TRAPPC9: variants seen among roughly 807,000 people sequenced by gnomAD.
The protein encoded by TRAPPC9 is IKK2 binding protein.
A neutral mutation model predicts 124.0 loss-of-function variants in TRAPPC9; 83 were observed. That is an observed-to-expected ratio of 0.67 (90% CI 0.56 to 0.80). TRAPPC9 has a LOEUF of 0.80. TRAPPC9 is among the 30% of genes least tolerant of loss of function. The pLI, the probability that TRAPPC9 is intolerant of heterozygous loss-of-function variation, is 0.00. For missense variants in TRAPPC9, 1,302 were observed against 1,508.3 expected (o/e 0.86, Z 2.27); for synonymous variants, 638 against 617.5 (o/e 1.03, Z -0.49).
chr8:139,861,846 C>T (rs1373786350), intron 21 of TRAPPC9, among the ~76,000 whole-genome samples: 2 of 152,110 alleles, frequency 1.3e-5, no homozygotes, highest in South Asian at 2.1e-4. Context: ...CCATCCCCCA[C>T]AAAAGCAGGG....
At chr8:139,745,608 G>C (rs1010856620) in intron 21 of TRAPPC9, among the ~76,000 whole-genome samples, 1 of 152,240 alleles carries the variant, frequency 6.6e-6, no homozygotes, top group African/African-American at 2.4e-5. Context: ...AGCAGGGGCA[G>C]GACATGGGCT....
intron 9 of TRAPPC9, among the ~76,000 whole-genome samples, chr8:140,338,073 C>T (rs1037282797): frequency 2.6e-5 from 4 of 152,160 alleles, no homozygotes; most frequent in African/African-American, 2.4e-5. Context: ...CAGATCCCTG[C>T]CACTTAGAAG....
At chr8:139,980,152 AC>A (rs1836792391) in intron 19 of TRAPPC9, among the ~76,000 whole-genome samples, 1 of 151,680 alleles carries the variant, frequency 6.6e-6, no homozygotes, top group East Asian at 1.9e-4. Flanking sequence ...CAAGATGCCA[AC>A]CCCGAGGGAC....
intron 17 of TRAPPC9, among the ~76,000 whole-genome samples, chr8:140,217,313 G>A (rs1365957529): frequency 2.0e-5 from 3 of 152,148 alleles, no homozygotes; most frequent in Non-Finnish European, 4.4e-5. Flanking sequence ...GGTCCTACTC[G>A]GGAGGAAGTC....
intron 19 of TRAPPC9, among the ~76,000 whole-genome samples, chr8:139,915,227 T>C (rs1463500094): frequency 2.0e-5 from 3 of 152,160 alleles, no homozygotes; most frequent in Admixed American, 1.3e-4. Context: ...GCCTTTTTGC[T>C]AGAGTGGGTT....
intron 8 of TRAPPC9, among the ~76,000 whole-genome samples, chr8:140,369,526 T>C (rs913809972): frequency 1.3e-5 from 2 of 152,242 alleles, no homozygotes; most frequent in Admixed American, 6.5e-5. Flanking sequence ...AAACATAATG[T>C]TTAATTCAAC....
At chr8:140,434,814 C>CA (rs1392135547) in intron 4 of TRAPPC9, among the ~76,000 whole-genome samples, 7 of 151,888 alleles carry the variant, frequency 4.6e-5, no homozygotes, top group Non-Finnish European at 8.8e-5. Flanking sequence ...ATTAAAAATA[C>CA]AAAAAATTAG....
chr8:140,441,578 T>C (rs1476367644), intron 2 of TRAPPC9, among the ~76,000 whole-genome samples: 3 of 151,844 alleles, frequency 2.0e-5, no homozygotes, highest in Non-Finnish European at 4.4e-5. Flanking sequence ...ACCACCACTT[T>C]GGGAGGCCAA....
At chr8:140,108,841 A>G (rs368071052) in intron 17 of TRAPPC9, among the ~76,000 whole-genome samples, 2 of 152,146 alleles carry the variant, frequency 1.3e-5, no homozygotes, top group African/African-American at 4.8e-5. Context: ...TCTGTTATGT[A>G]TTTGGGGGAT....
chr8:139,787,189 C>CA (rs1822318803), intron 21 of TRAPPC9, among the ~76,000 whole-genome samples: 1 of 152,032 alleles, frequency 6.6e-6, no homozygotes, highest in Non-Finnish European at 1.5e-5. Flanking sequence ...TGTGGCCACC[C>CA]AGCACAGTCA....
intron 11 of TRAPPC9, among the ~76,000 whole-genome samples, chr8:140,295,942 AC>A (rs555246143): frequency 6.6e-6 from 1 of 152,238 alleles, no homozygotes; most frequent in Non-Finnish European, 1.5e-5. Context: ...AAAAAATCTT[AC>A]ATCATCCACT....
chr8:139,932,776 G>T, intron 19 of TRAPPC9: 1 of 345,878 alleles, frequency 2.9e-6, no homozygotes, highest in East Asian at 7.6e-5. Context: ...AAAAAAAAAA[G>T]CACTGTCATG....
At chr8:139,960,058 C>A (rs1324395087) in intron 19 of TRAPPC9, among the ~76,000 whole-genome samples, 1 of 152,190 alleles carries the variant, frequency 6.6e-6, no homozygotes, top group Non-Finnish European at 1.5e-5. Context: ...GTATTAGTCA[C>A]GAGGAATCAT....
At chr8:140,389,357 C>T (rs574363576) in intron 7 of TRAPPC9, among the ~76,000 whole-genome samples, 3 of 152,274 alleles carry the variant, frequency 2.0e-5, no homozygotes, top group Non-Finnish European at 4.4e-5. Flanking sequence ...GTATATTATA[C>T]ATTACAAATA....
intron 17 of TRAPPC9, among the ~76,000 whole-genome samples, chr8:140,068,909 T>G (rs1843004256): frequency 6.6e-6 from 1 of 152,218 alleles, no homozygotes; most frequent in South Asian, 2.1e-4. Context: ...AATTCACCTT[T>G]GAATTTCCCT....
At chr8:139,749,873 CT>C (rs1819200172) in intron 21 of TRAPPC9, among the ~76,000 whole-genome samples, 1 of 152,148 alleles carries the variant, frequency 6.6e-6, no homozygotes, top group Admixed American at 6.5e-5. Context: ...GGGCAAGGAG[CT>C]TTTAGAAGCG....
chr8:140,254,166 C>T (rs1389051264), intron 15 of TRAPPC9, among the ~76,000 whole-genome samples: 1 of 152,238 alleles, frequency 6.6e-6, no homozygotes. Context: ...CAAACGGCCT[C>T]ACCACAAGTC....
intron 21 of TRAPPC9, among the ~76,000 whole-genome samples, chr8:139,828,484 T>G (rs1250007419): frequency 6.6e-6 from 1 of 152,140 alleles, no homozygotes; most frequent in Non-Finnish European, 1.5e-5. Flanking sequence ...CCGCTCACAT[T>G]TTCTACCAAG....
chr8:140,374,597 A>G (rs537865682), intron 7 of TRAPPC9, among the ~76,000 whole-genome samples: 10 of 152,208 alleles, frequency 6.6e-5, no homozygotes, highest in Middle Eastern at 3.4e-3. Flanking sequence ...GAAAAGAAAA[A>G]AAGAAAAAGA....
Sources: gnomAD v4.1 joint callset for allele counts (sites outside exome capture counted in the v4.1 genomes callset) on GRCh38, gnomAD v4.1.1 for gene constraint, MANE v1.5 for transcripts, NCBI Gene and HGNC (gene_info 2026-07-23, HGNC 2026-07-21) for gene names.